The following IBA57 variants were observed in gnomAD, a reference collection of about 807,000 sequenced individuals.
The protein encoded by IBA57 is iron-sulfur cluster assembly factor IBA57, mitochondrial.
In IBA57, 20 loss-of-function variants were observed where a neutral mutation model predicts 20.4. The ratio of observed to expected loss-of-function variants is 0.98; its 90% confidence interval spans 0.69 to 1.42. The LOEUF is 1.42. IBA57 is among the 40% of genes most tolerant of loss of function. IBA57 has a pLI of 0.00. For missense variants in IBA57, 608 were observed against 499.3 expected (o/e 1.22, Z -2.07); for synonymous variants, 310 against 233.9 (o/e 1.33, Z -2.97).
In IBA57 at chr1:228,178,769, C is replaced by T. The variant is rs1185397213; in HGVS notation, c.*3256C>T. 2 of 152,218 alleles carry T rather than the reference C, an allele frequency of 1.3e-5. No homozygotes were observed. Among genetic ancestry groups the T allele is most frequent in the Admixed American group, 1.3e-4 (2 of 15,278 alleles). The allele number at this position is 152,218 out of a possible 1,614,324, so 9.4% of individuals were successfully genotyped here. A position where few individuals can be genotyped will look rare whatever the true frequency, so the allele number is the denominator to read the frequency against. On this transcript the variant is annotated 3_prime_UTR_variant, in exon 3 of 3. Coordinates refer to ENST00000366711, the MANE Select transcript of IBA57 (RefSeq NM_001010867.4). ...TTCTAATCCCCAAGGAGACAAGCTC[C>T]CTGTTCTGTGTTCTTGTATGAGGCG... is the stretch of plus-strand genomic sequence containing the variant.
chr1:228,174,194 TGTGG>T (rs1558125734), intron 1 of IBA57, among the ~76,000 whole-genome samples: 23 of 48,128 alleles, frequency 4.8e-4, no homozygotes, highest in East Asian at 5.9e-4. Flanking sequence ...CGTGGCTCGC[TGTGG>T]GCGTGGCTCG....
Position 228,166,169 on chromosome 1 carries a change from C to A in IBA57, c.341+12C>A. The A allele has an allele frequency of 7.0e-7, 1 of 1,429,770 alleles. No homozygotes were observed. 88.6% of individuals were successfully genotyped at this position (1,429,770 alleles called of 1,614,324 possible). A position where few individuals can be genotyped will look rare whatever the true frequency, so the allele number is the denominator to read the frequency against. On this transcript the variant is annotated intron_variant, in intron 1 of 2. Coordinates refer to ENST00000366711, the MANE Select transcript of IBA57 (RefSeq NM_001010867.4). Reference sequence around the variant, plus strand: ...GTCATCTTGTACGGGTGAGCGCGTGCTGGGAGGGCGCTCGGGGGCGGGCAC... The same window carrying A: ...GTCATCTTGTACGGGTGAGCGCGTGATGGGAGGGCGCTCGGGGGCGGGCAC...
Position 228,177,468 on chromosome 1 carries a change from G to A in IBA57, c.*1955G>A, listed in dbSNP as rs1368478007. On this transcript the variant is annotated 3_prime_UTR_variant, in exon 3 of 3. Transcript: ENST00000366711. ...ACTTGGTTCAGATCAAACACATTTC[G>A]TGTTCTTCTGTGTCCTTTTTTTTTT... The A allele has an allele frequency of 3.4e-5, 5 of 148,452 alleles. No individual in the cohort carries two copies. The highest frequency in any genetic ancestry group is 1.4e-4 in the Admixed American group (2 of 14,656). The allele number at this position is 148,452 out of a possible 1,614,324, so 9.2% of individuals were successfully genotyped here.
At position 228,170,355 on chromosome 1, in the gene IBA57, CAG is replaced by C. The variant is rs200365712; in HGVS notation, c.341+4199_341+4200del. ...TTTTTTTGTTTTTATTTTTTAGACA[CAG>C]GGTCTCGCTCCATTGCCCAGGCTGG... On this transcript the variant is annotated intron_variant, in intron 1 of 2. Coordinates refer to ENST00000366711, the MANE Select transcript of IBA57 (RefSeq NM_001010867.4). The surrounding 1 kb of genome is among the most constrained non-coding windows in gnomAD (Gnocchi z 4.8). Among the ~76,000 whole-genome samples the C allele has an allele frequency of 1.6e-3, 242 of 152,234 alleles. 1 individual carries two copies. The East Asian group carries it at 0.04, about 25-fold the overall frequency.
At chr1:228,168,810 G>T (rs1459208924) in intron 1 of IBA57, among the ~76,000 whole-genome samples, 2 of 152,146 alleles carry the variant, frequency 1.3e-5, no homozygotes, top group African/African-American at 2.4e-5. Flanking sequence ...ACAGGCCAGG[G>T]AGCTCCACTC....
rs2035030750 is a variant in IBA57 at position 228,176,804 on chromosome 1, C to T, written c.*1291C>T. 6.6e-6 allele frequency: 1 copy of T among 152,306 alleles called. No homozygotes were observed. The highest frequency in any genetic ancestry group is 1.5e-5 in the Non-Finnish European group (1 of 68,106). The allele number at this position is 152,306 out of a possible 1,614,324, so 9.4% of individuals were successfully genotyped here. A position where few individuals can be genotyped will look rare whatever the true frequency, so the allele number is the denominator to read the frequency against. On this transcript the variant is annotated 3_prime_UTR_variant, in exon 3 of 3. Coordinates refer to ENST00000366711, the MANE Select transcript of IBA57 (RefSeq NM_001010867.4). ...TCTGAGCTGCAGTGTAGTTTGTGAT[C>T]ACCCAGGAGGAGGGTGTAGAGCGGA...
Position 228,166,109 on chromosome 1 carries a change from A to G in IBA57, c.293A>G (p.His98Arg), listed in dbSNP as rs1312732649. Residue 98 changes from histidine (H) to arginine (R), a missense_variant, in exon 1 of 3, where the codon CAC becomes CGC. By Grantham distance (29) the His-to-Arg change is conservative. Coordinates refer to ENST00000366711, the MANE Select transcript of IBA57 (RefSeq NM_001010867.4). ...APPAARAGYA[H>R]FLNVQGRTLY... ...CCTGCTGCGCGCGCGGGCTACGCCC[A>G]CTTCCTGAACGTGCAGGGCCGGACG... 3 of 1,536,700 alleles carry G rather than the reference A, an allele frequency of 2.0e-6. No homozygotes were observed. Among genetic ancestry groups the G allele is most frequent in the Non-Finnish European group, 2.6e-6 (3 of 1,143,818 alleles).
chr1:228,166,142 A>G lies in IBA57; in HGVS notation c.326A>G (p.Asp109Gly), dbSNP rs746086631. The G allele has an allele frequency of 2.6e-6, 4 of 1,519,352 alleles. No homozygotes were observed. The highest frequency in any genetic ancestry group is 3.5e-6 in the Non-Finnish European group (4 of 1,134,816). The allele number at this position is 1,519,352 out of a possible 1,614,324, so 94.1% of individuals were successfully genotyped here. A position where few individuals can be genotyped will look rare whatever the true frequency, so the allele number is the denominator to read the frequency against. Residue 109 changes from aspartate to glycine, a missense_variant, in exon 1 of 3, where the codon GAC (aspartate) becomes GGC (glycine). Asp to Gly is a moderately conservative substitution (Grantham distance 94). Coordinates refer to ENST00000366711, the MANE Select transcript of IBA57 (RefSeq NM_001010867.4). ...AACGTGCAGGGCCGGACGCTCTATG[A>G]CGTCATCTTGTACGGGTGAGCGCGT... ...FLNVQGRTLYDVILYGLQEHS... is the reference protein window; with the variant it reads ...FLNVQGRTLYGVILYGLQEHS...
chr1:228,181,970 C>G lies in IBA57; in HGVS notation c.*6457C>G, dbSNP rs1177644354. On this transcript the variant is annotated 3_prime_UTR_variant, in exon 3 of 3. Coordinates refer to ENST00000366711, the MANE Select transcript of IBA57 (RefSeq NM_001010867.4). The stretch of plus-strand genomic sequence containing the variant: ...CTGTGACTGTCTGGGCTGTGGGCAT[C>G]TGACCATCTCCAGTGTCCCCGTCTT... 6.6e-6 allele frequency: 1 copy of G among 152,254 alleles called. No homozygotes were observed. Among genetic ancestry groups the G allele is most frequent in the Non-Finnish European group, 1.5e-5 (1 of 68,058 alleles). 9.4% of individuals were successfully genotyped at this position (152,254 alleles called of 1,614,324 possible).
rs2298014 is a variant in IBA57, at chr1:228,174,981, G to A, written c.631G>A (p.Gly211Ser). 0.32 allele frequency: 497,120 copies of A among 1,549,598 alleles called. 85,097 individuals are homozygous for A. The highest frequency in any genetic ancestry group is 0.36 in the Non-Finnish European group (409,492 of 1,145,498). ...QDEGPALVPG[G>S]RLGDLWDYHQ... ...TGAAGGCCCAGCCCTGGTGCCCGGG[G>A]GCCGGCTCGGGGACTTGTGGGATTA... is the stretch of plus-strand genomic sequence containing the variant. Residue 211 changes from glycine to serine, a missense_variant, in exon 2 of 3, where the codon GGC becomes AGC. Gly to Ser is a moderately conservative substitution (Grantham distance 56, BLOSUM62 0). Transcript: ENST00000366711.
Position 228,175,548 on chromosome 1 carries a change from G to GGGGC in IBA57, c.*35_*36insGGGC. ...TTGGCTGGCGCAGGCTGATGGGGAG[G>GGGGC]CTGGGGCCTGGGGCCTTTGGCCTCT... On this transcript the variant is annotated 3_prime_UTR_variant, in exon 3 of 3. Coordinates refer to ENST00000366711, the MANE Select transcript of IBA57 (RefSeq NM_001010867.4). 6.6e-7 allele frequency: 1 copy of GGGGC among 1,525,964 alleles called. No homozygotes were observed. The highest frequency in any genetic ancestry group is 1.3e-5 in the South Asian group (1 of 76,864). The allele number at this position is 1,525,964 out of a possible 1,614,324, so 94.5% of individuals were successfully genotyped here.
Position 228,165,871 on chromosome 1 carries a change from T to C in IBA57, c.55T>C (p.Trp19Arg). 1 of 1,325,924 alleles carries C rather than the reference T, an allele frequency of 7.5e-7. No individual in the cohort carries two copies. The highest frequency in any genetic ancestry group is 9.6e-7 in the Non-Finnish European group (1 of 1,044,600). 82.1% of individuals were successfully genotyped at this position (1,325,924 alleles called of 1,614,324 possible). A position where few individuals can be genotyped will look rare whatever the true frequency, so the allele number is the denominator to read the frequency against. ...CACTCCGGGGCGCGGCGGCCCGGTCTGGCGCTGGCGGCTGCGCGCGGCCCC... is the reference window on the plus strand; with the variant it reads ...CACTCCGGGGCGCGGCGGCCCGGTCCGGCGCTGGCGGCTGCGCGCGGCCCC... ...GATPGRGGPV[W>R]RWRLRAAPRC... The change falls in exon 1 of 3, where the codon TGG (tryptophan) becomes CGG (arginine). Residue 19 changes from tryptophan (W) to arginine (R), a missense_variant. By Grantham distance (101) the Trp-to-Arg change is moderately radical. Coordinates refer to ENST00000366711, the MANE Select transcript of IBA57 (RefSeq NM_001010867.4).
In IBA57 at chr1:228,179,670, C is replaced by T. The variant is rs1013601406; in HGVS notation, c.*4157C>T. 2 of 152,134 alleles carry T rather than the reference C, an allele frequency of 1.3e-5. No individual in the cohort carries two copies. The highest frequency in any genetic ancestry group is 6.5e-5 in the Admixed American group (1 of 15,278). The allele number at this position is 152,134 out of a possible 1,614,324, so 9.4% of individuals were successfully genotyped here. ...TTAAAAAGCTCTACCCAAACAGTCA[C>T]GTCTTGGTGAAAGTACAGAATCTCA... On this transcript the variant is annotated 3_prime_UTR_variant, in exon 3 of 3. Transcript: ENST00000366711.
rs2034910720 is a variant in IBA57, at chr1:228,170,616, T to C, written c.342-4076T>C. The stretch of plus-strand genomic sequence containing the variant: ...CCTCCTTAGGGTCCCTTTCTATCAG[T>C]TGGTTTTGATCTCTCTTCATGTAGG... On this transcript the variant is annotated intron_variant, in intron 1 of 2. Transcript: ENST00000366711. This position sits in a 1 kb window ranked among gnomAD's most constrained non-coding sequence, Gnocchi z 4.8. 6.6e-6 allele frequency among the ~76,000 whole-genome samples: 1 copy of C among 152,194 alleles called. No homozygotes were observed. The highest frequency in any genetic ancestry group is 2.4e-5 in the African/African-American group (1 of 41,536).
At position 228,180,337 on chromosome 1, in the gene IBA57, G is replaced by GGATTTGT; in HGVS notation, c.*4826_*4832dup. On this transcript the variant is annotated 3_prime_UTR_variant, in exon 3 of 3. Coordinates refer to ENST00000366711, the MANE Select transcript of IBA57 (RefSeq NM_001010867.4). ...AGAAGGAGTGAATAGGCAGGAAGGT[G>GGATTTGT]GATTTGTGGGCATGTCTAAAACACC... is the stretch of plus-strand genomic sequence containing the variant. The GGATTTGT allele has an allele frequency of 6.6e-6, 1 of 152,176 alleles. No individual in the cohort carries two copies. The allele number at this position is 152,176 out of a possible 1,614,324, so 9.4% of individuals were successfully genotyped here.
rs555630458 is a variant in IBA57, at chr1:228,174,770, C to T, written c.420C>T (p.Leu140=). 3 of 1,610,038 alleles carry T rather than the reference C, an allele frequency of 1.9e-6. No homozygotes were observed. The Admixed American group carries it at 5.0e-5, about 27-fold the overall frequency. The change falls in exon 2 of 3, where the codon CTC becomes CTT. Residue 140 remains leucine (L), a synonymous_variant. Coordinates refer to ENST00000366711, the MANE Select transcript of IBA57 (RefSeq NM_001010867.4). ...SSVQGALQKH[L]ALYRIRRKVT... ...TGCAGGGCGCGCTGCAGAAGCACCTCGCGCTATACAGGATCCGGCGGAAGG... is the reference window on the plus strand; with the variant it reads ...TGCAGGGCGCGCTGCAGAAGCACCTTGCGCTATACAGGATCCGGCGGAAGG...
intron 1 of IBA57, among the ~76,000 whole-genome samples, chr1:228,167,702 G>A (rs887183790): frequency 1.7e-4 from 26 of 152,296 alleles, no homozygotes; most frequent in Admixed American, 1.3e-3. Flanking sequence ...CACGAGTGTG[G>A]CCCTCAAGCC....
In IBA57 at chr1:228,165,908, T is replaced by C; in HGVS notation, c.92T>C (p.Leu31Pro). Residue 31 changes from leucine (L) to proline (P), a missense_variant, in exon 1 of 3, where the codon CTG (leucine) becomes CCG (proline). Physicochemically the swap from Leu to Pro is moderately conservative, Grantham distance 98. Transcript: ENST00000366711. The part of the protein sequence containing the change: ...WRLRAAPRCR[L>P]AHSSCSPGGD... ...CTGCGCGCGGCCCCAAGGTGCCGCC[T>C]GGCCCACAGCTCCTGCAGTCCTGGT... 6.9e-7 allele frequency: 1 copy of C among 1,445,854 alleles called. No individual in the cohort carries two copies. The highest frequency in any genetic ancestry group is 9.1e-7 in the Non-Finnish European group (1 of 1,102,704). 89.6% of individuals were successfully genotyped at this position (1,445,854 alleles called of 1,614,324 possible). A position where few individuals can be genotyped will look rare whatever the true frequency, so the allele number is the denominator to read the frequency against.
chr1:228,167,005 C>A (rs1360063044), intron 1 of IBA57, among the ~76,000 whole-genome samples: 1 of 152,154 alleles, frequency 6.6e-6, no homozygotes. Flanking sequence ...TACCTGATAT[C>A]CTGGCTGGGT....
Sources: allele counts gnomAD v4.1 joint callset (sites outside exome capture counted in the v4.1 genomes callset), GRCh38; gene constraint gnomAD v4.1.1; non-coding constraint Gnocchi (gnomAD v3.1); transcripts MANE v1.5; gene names NCBI Gene and HGNC (gene_info 2026-07-23, HGNC 2026-07-21).